ABCG1: variants seen among roughly 807,000 people sequenced by gnomAD.
The protein encoded by ABCG1 is ATP binding cassette subfamily G member 1, also known as ATP-binding cassette sub-family G member 1.
In ABCG1, 29 loss-of-function variants were observed where a neutral mutation model predicts 69.2. The observed-to-expected ratio is 0.42, with a 90% CI of 0.31 to 0.57. The LOEUF (loss-of-function observed/expected upper bound fraction) is 0.57, where lower values mean the gene tolerates loss of function less well. Ranked by LOEUF, ABCG1 falls within the 20% of genes least tolerant of loss-of-function variation. The probability of loss-of-function intolerance (pLI) is 0.15; values close to 1 mark genes in which losing one functional copy is unlikely to be tolerated. For missense variants in ABCG1, 718 were observed against 898.1 expected (o/e 0.80, Z 2.56); for synonymous variants, 370 against 374.8 (o/e 0.99, Z 0.15).
intron 2 of ABCG1, chr21:42,259,596 C>T: frequency 6.9e-7 from 1 of 1,450,556 alleles, no homozygotes; most frequent in South Asian, 1.5e-5. Context: ...GCGGAGCTGG[C>T]CATTACCTTG....
chr21:42,247,020 C>T (rs1041369268), intron 2 of ABCG1, among the ~76,000 whole-genome samples: 6 of 151,788 alleles, frequency 4.0e-5, no homozygotes, highest in East Asian at 1.9e-4. Context: ...TCAAGTTAGA[C>T]GTGACTGTCT....
chr21:42,233,484 G>A (rs1320568923), intron 2 of ABCG1, among the ~76,000 whole-genome samples: 1 of 152,210 alleles, frequency 6.6e-6, no homozygotes, highest in East Asian at 1.9e-4. Flanking sequence ...CTCATTCTTA[G>A]AAAATGCTTC....
Position 42,294,576 on chromosome 21 carries a change from C to T in ABCG1, c.1688C>T (p.Pro563Leu), listed in dbSNP as rs374787290. 34 of 1,614,100 alleles carry T rather than the reference C, an allele frequency of 2.1e-5. No individual in the cohort carries two copies. Among genetic ancestry groups the T allele is most frequent in the African/African-American group, 4.0e-5 (3 of 74,936 alleles). ...TTCGTGGGCCCAGTGACAGCCATCC[C>T]GGTGCTCCTGTTCTCGGGGTTCTTC... The part of the protein sequence containing the change: ...ATFVGPVTAI[P>L]VLLFSGFFVS... Residue 563 changes from proline to leucine, a missense_variant, in exon 14 of 15, where the codon CCG (proline) becomes CTG (leucine). Around this residue, in one of 2 missense-constraint regions of ABCG1, gnomAD observed 204 missense variants for 323.8 expected, o/e 0.63. Coordinates refer to ENST00000398449, the MANE Select transcript of ABCG1 (RefSeq NM_016818.3).
rs1601443003 is a variant in ABCG1 at position 42,283,897 on chromosome 21, T to TA, written c.735-663_735-662insA. On this transcript the variant is annotated intron_variant, in intron 6 of 14. Transcript: ENST00000398449. ...CTGTCCCGCCTGGACAGTTGCAAAG[T>TA]CCCCCCGCCCAGATGAGTGGGGACC... 8.2e-3 allele frequency among the ~76,000 whole-genome samples: 35 copies of TA among 4,248 alleles called. 1 individual carries two copies. The highest frequency in any genetic ancestry group is 0.038 in the East Asian group (3 of 78). 2.8% of individuals were successfully genotyped at this position (4,248 alleles called of 152,430 possible).
At chr21:42,293,535 C>G (rs538022221) in intron 13 of ABCG1, among the ~76,000 whole-genome samples, 2 of 146,494 alleles carry the variant, frequency 1.4e-5, no homozygotes, top group Non-Finnish European at 1.5e-5. Flanking sequence ...ATACTACACA[C>G]CACGCACTAC....
At chr21:42,293,123 A>G (rs1246015006) in intron 13 of ABCG1, among the ~76,000 whole-genome samples, 1 of 140,150 alleles carries the variant, frequency 7.1e-6, no homozygotes, top group Non-Finnish European at 1.5e-5. Flanking sequence ...CACACTACAC[A>G]CACCACACAC....
rs768407315 is a variant in ABCG1, at chr21:42,288,161, C to T, written c.1123-50C>T. On this transcript the variant is annotated intron_variant, in intron 9 of 14. Coordinates refer to ENST00000398449, the MANE Select transcript of ABCG1 (RefSeq NM_016818.3). The surrounding 1 kb of genome is among the most constrained non-coding windows in gnomAD (Gnocchi z 4.8). ...GAGCTCTTTCCGAGCAAGAAGGAGC[C>T]GTGGCTCCGGACTGGCTTTCACCCG... is the stretch of plus-strand genomic sequence containing the variant. 18 of 1,610,634 alleles carry T rather than the reference C, an allele frequency of 1.1e-5. No individual in the cohort carries two copies. The highest frequency in any genetic ancestry group is 4.5e-5 in the East Asian group (2 of 44,870).
intron 13 of ABCG1, among the ~76,000 whole-genome samples, chr21:42,292,969 CACACACT>C (rs1184296537): frequency 1.4e-5 from 2 of 138,808 alleles, no homozygotes; most frequent in East Asian, 2.3e-4. Flanking sequence ...CACTACACAC[CACACACT>C]ACACACACAC....
At chr21:42,255,241 G>A (rs1015665634) in intron 2 of ABCG1, among the ~76,000 whole-genome samples, 1 of 152,234 alleles carries the variant, frequency 6.6e-6, no homozygotes, top group Non-Finnish European at 1.5e-5. Flanking sequence ...AGTGGGGCGC[G>A]GTGTGCAGGG....
intron 2 of ABCG1, chr21:42,260,271 G>A (rs1490486033): frequency 1.9e-5 from 28 of 1,476,738 alleles, no homozygotes; most frequent in Non-Finnish European, 2.2e-5. Context: ...CTTCCACCAC[G>A]GAGCCGAATG....
upstream of ABCG1, among the ~76,000 whole-genome samples, chr21:42,218,583 G>A (rs987839298): frequency 6.6e-6 from 1 of 152,192 alleles, no homozygotes; most frequent in African/African-American, 2.4e-5. Flanking sequence ...AATGTCACAT[G>A]TGTGAGTGCA....
chr21:42,246,062 A>G (rs995791300), intron 2 of ABCG1, among the ~76,000 whole-genome samples: 1 of 152,196 alleles, frequency 6.6e-6, no homozygotes, highest in Non-Finnish European at 1.5e-5. Flanking sequence ...AACTCTGGGC[A>G]GGTGGCAAGA....
chr21:42,200,151 G>A (rs116552740), intron 1 of ABCG1, among the ~76,000 whole-genome samples: 2,751 of 152,308 alleles, frequency 0.018, 85 homozygotes, highest in African/African-American at 0.062. Context: ...TCCTGCACTC[G>A]GTTTCTGTGA....
At chr21:42,239,280 C>T (rs2068018184) in intron 2 of ABCG1, among the ~76,000 whole-genome samples, 1 of 152,212 alleles carries the variant, frequency 6.6e-6, no homozygotes, top group Non-Finnish European at 1.5e-5. Flanking sequence ...CTTATTAGAT[C>T]AAATAGCTTG....
At chr21:42,243,470 G>A (rs903557212) in intron 2 of ABCG1, among the ~76,000 whole-genome samples, 38 of 150,788 alleles carry the variant, frequency 2.5e-4, no homozygotes, top group African/African-American at 9.1e-4. Context: ...GTGTGTGTGT[G>A]TGTGTGTGTG....
At chr21:42,270,745 A>T (rs2068601104) in intron 2 of ABCG1, among the ~76,000 whole-genome samples, 1 of 152,186 alleles carries the variant, frequency 6.6e-6, no homozygotes, top group Non-Finnish European at 1.5e-5. Flanking sequence ...ACCTGGGCCC[A>T]CCGGACATCG....
At chr21:42,210,614 T>C (rs1274182771) in intron 2 of ABCG1, among the ~76,000 whole-genome samples, 1 of 152,244 alleles carries the variant, frequency 6.6e-6, no homozygotes, top group African/African-American at 2.4e-5. Context: ...TTAACTTGTC[T>C]TGTCTTAACT....
intron 10 of ABCG1, 129 bp from the exon 11 acceptor site, chr21:42,289,921 C>A: frequency 2.0e-6 from 2 of 983,994 alleles, no homozygotes; most frequent in Non-Finnish European, 3.0e-6. Context: ...GAGGAGAAGA[C>A]AGGATAAAGT....
chr21:42,263,113 T>G (rs912405202), intron 2 of ABCG1, among the ~76,000 whole-genome samples: 28 of 152,340 alleles, frequency 1.8e-4, no homozygotes, highest in African/African-American at 6.7e-4. Flanking sequence ...ATGTAGGAAA[T>G]GTAAACATTC....
Sources: gnomAD v4.1 joint callset for allele counts (sites outside exome capture counted in the v4.1 genomes callset) on GRCh38, gnomAD v4.1.1 for gene constraint, gnomAD v4.1.1 regional missense constraint, Gnocchi (gnomAD v3.1) non-coding constraint, MANE v1.5 for transcripts, NCBI Gene and HGNC (gene_info 2026-07-23, HGNC 2026-07-21) for gene names.